The following PUM1 variants were observed in gnomAD, a reference collection of about 807,000 sequenced individuals.
PUM1 encodes pumilio homolog 1.
A neutral mutation model predicts 131.8 loss-of-function variants in PUM1; 13 were observed. The ratio of observed to expected loss-of-function variants is 0.10; its 90% CI spans 0.06 to 0.16. The LOEUF is 0.16. PUM1 is among the 10% of genes least tolerant of loss of function. The pLI, the probability that PUM1 is intolerant of heterozygous loss-of-function variation, is 1.00. For missense variants in PUM1, 961 were observed against 1,512.4 expected (o/e 0.64, Z 6.05); for synonymous variants, 509 against 556.5 (o/e 0.91, Z 1.20).
At chr1:31,029,076 A>G (rs1477869833) in intron 2 of PUM1, among the ~76,000 whole-genome samples, 1 of 152,212 alleles carries the variant, frequency 6.6e-6, no homozygotes, top group Non-Finnish European at 1.5e-5. Context: ...CCATTCCCTT[A>G]TATTTTCAAA....
chr1:31,046,138 G>A (rs1643955618), intron 2 of PUM1, among the ~76,000 whole-genome samples: 1 of 151,294 alleles, frequency 6.6e-6, no homozygotes. Context: ...TGTAATCCCA[G>A]CACTTTGGGA....
chr1:31,051,675 A>G (rs978374552), intron 2 of PUM1, among the ~76,000 whole-genome samples: 2 of 151,960 alleles, frequency 1.3e-5, no homozygotes, highest in Non-Finnish European at 2.9e-5. Context: ...TATGATGGAT[A>G]CTGATATATC....
At chr1:31,059,695 C>T in intron 1 of PUM1, 118 bp from the exon 2 acceptor site, 1 of 1,222,004 alleles carries the variant, frequency 8.2e-7, no homozygotes, top group Non-Finnish European at 1.1e-6. Flanking sequence ...TGGTGGCATG[C>T]ACTCTGGCAA....
At chr1:30,987,759 G>C (rs1302196072) in intron 7 of PUM1, among the ~76,000 whole-genome samples, 1 of 152,190 alleles carries the variant, frequency 6.6e-6, no homozygotes, top group Non-Finnish European at 1.5e-5. Flanking sequence ...ATTTGTACTT[G>C]GGTGGGTAAT....
chr1:31,047,225 C>T (rs1405437482), intron 2 of PUM1, among the ~76,000 whole-genome samples: 1 of 152,042 alleles, frequency 6.6e-6, no homozygotes, highest in Non-Finnish European at 1.5e-5. Context: ...AGCAAAATGC[C>T]AGGGCAGCCA....
intron 15 of PUM1, 76 bp from the exon 16 acceptor site, chr1:30,952,439 A>T: frequency 6.2e-7 from 1 of 1,602,484 alleles, no homozygotes; most frequent in Non-Finnish European, 8.5e-7. Flanking sequence ...CTCGGTTTAT[A>T]GACTGCATCC....
At chr1:31,017,863 A>C (rs1236092406) in intron 3 of PUM1, among the ~76,000 whole-genome samples, 1 of 152,154 alleles carries the variant, frequency 6.6e-6, no homozygotes, top group Non-Finnish European at 1.5e-5. Flanking sequence ...TTTATCTTTA[A>C]AAGATTGATC....
At chr1:31,042,625 T>C (rs752064824) in intron 2 of PUM1, among the ~76,000 whole-genome samples, 6 of 152,226 alleles carry the variant, frequency 3.9e-5, no homozygotes, top group Non-Finnish European at 7.3e-5. Flanking sequence ...TTTTAACTGT[T>C]TGAAATTCAG....
At chr1:30,954,056 C>A in intron 14 of PUM1, 75 bp from the exon 15 acceptor site, 2 of 1,437,484 alleles carry the variant, frequency 1.4e-6, no homozygotes, top group Non-Finnish European at 1.9e-6. Context: ...AGCATTCCCA[C>A]ACCCGAAAGC....
At chr1:31,036,153 C>T (rs7530882) in intron 2 of PUM1, among the ~76,000 whole-genome samples, 43,062 of 151,480 alleles carry the variant, frequency 0.28, 7,890 homozygotes, top group East Asian at 0.53. Flanking sequence ...CACTGCAACC[C>T]CTGCCTCCCG....
intron 15 of PUM1, among the ~76,000 whole-genome samples, chr1:30,953,379 G>T (rs1028033929): frequency 6.6e-6 from 1 of 152,102 alleles, no homozygotes; most frequent in Non-Finnish European, 1.5e-5. Context: ...TTCTTCTCTC[G>T]TCTCTACATA....
At chr1:31,009,366 C>T (rs1029957372) in intron 3 of PUM1, among the ~76,000 whole-genome samples, 9 of 152,184 alleles carry the variant, frequency 5.9e-5, no homozygotes, top group Admixed American at 6.5e-5. Context: ...TTGTTTTATG[C>T]TCCACATAAC....
intron 14 of PUM1, among the ~76,000 whole-genome samples, chr1:30,961,120 G>C (rs909507643): frequency 1.3e-5 from 2 of 151,972 alleles, no homozygotes; most frequent in African/African-American, 2.4e-5. Context: ...CTTGAACCGG[G>C]AGGCAGAAGT....
rs1227121744 is a variant in PUM1 at position 30,969,429 on chromosome 1, A to C, written c.1507-937T>G. Among the ~76,000 whole-genome samples the C allele has an allele frequency of 7.2e-5, 11 of 152,128 alleles. 1 individual carries two copies. The highest frequency in any genetic ancestry group is 2.9e-5 in the Non-Finnish European group (2 of 68,006). ...ACACATTTAAAGTCAACTGAGTCTC[A>C]CATGCACACAAAAGATGGAATGAGA... On this transcript the variant is annotated intron_variant, in intron 10 of 21. Transcript: ENST00000426105.
At chr1:31,051,999 C>G (rs778141270) in intron 2 of PUM1, among the ~76,000 whole-genome samples, 17 of 152,022 alleles carry the variant, frequency 1.1e-4, no homozygotes, top group Non-Finnish European at 2.4e-4. Flanking sequence ...ATAAAAATTA[C>G]TGTCAAAATA....
At chr1:30,997,606 A>G (rs1346248395) in intron 5 of PUM1, among the ~76,000 whole-genome samples, 1 of 151,680 alleles carries the variant, frequency 6.6e-6, no homozygotes, top group East Asian at 1.9e-4. Flanking sequence ...AGTCATATCA[A>G]TGCTCTGCAT....
intron 10 of PUM1, 40 bp downstream of exon 10, chr1:30,974,611 C>T (rs372957495): frequency 2.3e-5 from 35 of 1,545,878 alleles, no homozygotes; most frequent in African/African-American, 8.2e-5. Context: ...CACAATACTA[C>T]GATTCCCACT....
intron 9 of PUM1, among the ~76,000 whole-genome samples, chr1:30,975,444 C>T (rs1461021110): frequency 1.3e-5 from 2 of 151,482 alleles, no homozygotes; most frequent in Non-Finnish European, 2.9e-5. Flanking sequence ...CTGACCTCCC[C>T]GGCTTAAGTG....
At chr1:31,048,405 CT>C (rs1441374603) in intron 2 of PUM1, among the ~76,000 whole-genome samples, 1 of 151,728 alleles carries the variant, frequency 6.6e-6, no homozygotes, top group Non-Finnish European at 1.5e-5. Flanking sequence ...AATCATTATG[CT>C]TTCCTCTTTT....
Sources: gnomAD v4.1 joint callset for allele counts (sites outside exome capture counted in the v4.1 genomes callset) on GRCh38, gnomAD v4.1.1 for gene constraint, MANE v1.5 for transcripts, NCBI Gene and HGNC (gene_info 2026-07-23, HGNC 2026-07-21) for gene names.